Variants in TASP1 observed in about 807,000 individuals in gnomAD.
The protein encoded by TASP1 is threonine aspartase 1.
In TASP1, 16 loss-of-function variants were observed where a neutral mutation model predicts 56.6. The ratio of observed to expected loss-of-function variants is 0.28; its 90% CI spans 0.19 to 0.43. The LOEUF (loss-of-function observed/expected upper bound fraction) is 0.43. Ranked by LOEUF, TASP1 falls within the 20% of genes least tolerant of loss-of-function variation. TASP1 has a pLI of 1.00. For synonymous variants in TASP1, 179 were observed against 184.2 expected (o/e 0.97, Z 0.23); for missense variants, 393 against 511.6 (o/e 0.77, Z 2.24).
chr20:13,117,648 C>T, the TASP1 span: 9 of 1,613,926 alleles, frequency 5.6e-6, 1 homozygote, highest in African/African-American at 6.7e-5. Context: ...TGGACTAGAC[C>T]CTCATGAAGT....
chr20:13,485,282 T>C (rs6131481), intron 10 of TASP1, among the ~76,000 whole-genome samples: 24,684 of 152,142 alleles, frequency 0.16, 2,346 homozygotes, highest in Middle Eastern at 0.22. Context: ...ATATTATAAA[T>C]AGTCAATTAG....
chr20:13,588,820 T>C (rs1336157124), intron 4 of TASP1, among the ~76,000 whole-genome samples: 1 of 152,126 alleles, frequency 6.6e-6, no homozygotes, highest in Non-Finnish European at 1.5e-5. Context: ...ATCCTAAAAT[T>C]CATATGGAAA....
At chr20:13,148,875 C>A in the TASP1 span, among the ~76,000 whole-genome samples, 1 of 152,186 alleles carries the variant, frequency 6.6e-6, no homozygotes, top group Non-Finnish European at 1.5e-5. Context: ...CAGAAAATGG[C>A]AATTCCCCTT....
chr20:13,206,115 A>T, the TASP1 span, among the ~76,000 whole-genome samples: 1 of 152,112 alleles, frequency 6.6e-6, no homozygotes, highest in Admixed American at 6.5e-5. Flanking sequence ...GATACGGGAC[A>T]TTGGCAGTGT....
chr20:13,601,097 G>A (rs192758934), intron 4 of TASP1, among the ~76,000 whole-genome samples: 3 of 152,196 alleles, frequency 2.0e-5, no homozygotes, highest in East Asian at 1.9e-4. Context: ...GCAACACAGC[G>A]AAACTCCATC....
chr20:13,428,220 A>G (rs1400541269), intron 12 of TASP1, among the ~76,000 whole-genome samples: 1 of 152,196 alleles, frequency 6.6e-6, no homozygotes, highest in Admixed American at 6.5e-5. Context: ...AGGGTCTATC[A>G]GGCTCCCAAC....
rs189625876 is a variant in TASP1, at chr20:13,562,963, C to T, written c.569-3849G>A. On this transcript the variant is annotated intron_variant, in intron 7 of 13. Transcript: ENST00000337743. ...TGTGTGTGTGTTGTGTATGTGTATA[C>T]GTGCGTATGTATGTGTGTGTATATA... Among the ~76,000 whole-genome samples the T allele has an allele frequency of 1.8e-3, 208 of 115,406 alleles. 3 individuals carry two copies. Among genetic ancestry groups the T allele is most frequent in the Admixed American group, 1.5e-3 (17 of 11,434 alleles). The allele number at this position is 115,406 out of a possible 152,430, so 75.7% of individuals were successfully genotyped here.
chr20:13,169,513 A>T, the TASP1 span, among the ~76,000 whole-genome samples: 1 of 152,144 alleles, frequency 6.6e-6, no homozygotes, highest in Non-Finnish European at 1.5e-5. Flanking sequence ...TGGGCAACTG[A>T]GATGGTCCTT....
At chr20:13,361,685 T>C in the TASP1 span, among the ~76,000 whole-genome samples, 14 of 152,110 alleles carry the variant, frequency 9.2e-5, no homozygotes, top group Non-Finnish European at 2.9e-5. Flanking sequence ...CCCTACTATC[T>C]TCTGTCTAGT....
At chr20:13,232,149 TA>T in the TASP1 span, among the ~76,000 whole-genome samples, 3 of 152,212 alleles carry the variant, frequency 2.0e-5, no homozygotes, top group African/African-American at 7.2e-5. Context: ...ATTTTATTAT[TA>T]TTTTTTTAAA....
the TASP1 span, among the ~76,000 whole-genome samples, chr20:13,173,396 G>T: frequency 2.6e-5 from 4 of 152,118 alleles, no homozygotes; most frequent in Admixed American, 2.0e-4. Context: ...TGGTCAGCAG[G>T]TTAGACCAGT....
chr20:13,305,619 ATCCATGTCTACAGG>A, the TASP1 span, among the ~76,000 whole-genome samples: 5 of 152,224 alleles, frequency 3.3e-5, no homozygotes, highest in African/African-American at 1.2e-4. Context: ...AGAAACATAC[ATCCATGTCTACAGG>A]TCCTGCATAC....
the TASP1 span, chr20:13,126,662 A>G: frequency 6.2e-6 from 10 of 1,614,070 alleles, no homozygotes; most frequent in Non-Finnish European, 8.5e-6. Flanking sequence ...CACCGATAGC[A>G]GAGCAAATCA....
At chr20:13,553,176 C>T (rs1167183346) in intron 8 of TASP1, among the ~76,000 whole-genome samples, 3 of 152,132 alleles carry the variant, frequency 2.0e-5, no homozygotes, top group Non-Finnish European at 4.4e-5. Flanking sequence ...AACTCCTAGC[C>T]TCAAGTGATC....
At chr20:13,607,068 A>C (rs2048187091) in intron 4 of TASP1, among the ~76,000 whole-genome samples, 1 of 152,234 alleles carries the variant, frequency 6.6e-6, no homozygotes, top group Admixed American at 6.5e-5. Context: ...AATCTTTTCA[A>C]GATTAAAACA....
the TASP1 span, among the ~76,000 whole-genome samples, chr20:13,174,699 G>GAA: frequency 2.3e-5 from 3 of 129,236 alleles, no homozygotes; most frequent in African/African-American, 5.8e-5. Flanking sequence ...ACCTTGTCAC[G>GAA]AAAAAAAAAA....
chr20:13,444,541 C>T (rs1262928358), intron 11 of TASP1, among the ~76,000 whole-genome samples: 1 of 152,060 alleles, frequency 6.6e-6, no homozygotes, highest in Non-Finnish European at 1.5e-5. Context: ...AACTCCAGAA[C>T]AAAAGATTAT....
At chr20:13,523,235 A>C (rs940044740) in intron 10 of TASP1, among the ~76,000 whole-genome samples, 1 of 152,154 alleles carries the variant, frequency 6.6e-6, no homozygotes, top group East Asian at 1.9e-4. Context: ...CCTCAGTAGA[A>C]TAGGGCTTGT....
At chr20:13,545,067 C>T (rs2045757576) in intron 8 of TASP1, among the ~76,000 whole-genome samples, 1 of 152,032 alleles carries the variant, frequency 6.6e-6, no homozygotes, top group Admixed American at 6.6e-5. Flanking sequence ...TGCATATCAC[C>T]AAATGGCCAT....
Sources: gnomAD v4.1 joint callset for allele counts (sites outside exome capture counted in the v4.1 genomes callset) on GRCh38, gnomAD v4.1.1 for gene constraint, MANE v1.5 for transcripts, NCBI Gene and HGNC (gene_info 2026-07-23, HGNC 2026-07-21) for gene names.